The following LRRC19 variants were observed in gnomAD, a reference collection of about 807,000 sequenced individuals.
LRRC19 encodes leucine rich repeat containing 19.
LRRC19 carries 33 observed loss-of-function variants against 33.3 expected under a neutral mutation model. The ratio of observed to expected loss-of-function variants is 0.99; its 90% CI spans 0.75 to 1.33. The LOEUF (loss-of-function observed/expected upper bound fraction) is 1.33. Among genes scored for constraint, LRRC19 ranks in the 40% most tolerant of loss-of-function variants. The probability of loss-of-function intolerance (pLI) is 0.00; values close to 1 mark genes in which losing one functional copy is unlikely to be tolerated. For synonymous variants in LRRC19, 184 were observed against 152.3 expected, an observed-to-expected ratio of 1.21 and a Z score of -1.53; for missense variants, 463 against 417.3, an observed-to-expected ratio of 1.11 and a Z score of -0.95.
chr9:27,004,485 G>T (rs539601116), intron 1 of LRRC19, among the ~76,000 whole-genome samples: 1 of 152,306 alleles, frequency 6.6e-6, no homozygotes, highest in Admixed American at 6.5e-5. Context: ...AAGAGGGGGT[G>T]ATGTCGATTA....
chr9:27,001,247 A>G (rs533965330), intron 1 of LRRC19, among the ~76,000 whole-genome samples: 1 of 152,096 alleles, frequency 6.6e-6, no homozygotes, highest in Admixed American at 6.6e-5. Flanking sequence ...TGCTCTTGTG[A>G]ATAGTCCTCC....
chr9:26,999,733 G>T, intron 1 of LRRC19, 30 bp from the exon 2 acceptor site: 1 of 1,354,544 alleles, frequency 7.4e-7, no homozygotes, highest in South Asian at 1.3e-5. Flanking sequence ...TTTCATTAAG[G>T]ACATTTTTAT....
intron 1 of LRRC19, among the ~76,000 whole-genome samples, chr9:27,003,889 T>G (rs1323335715): frequency 6.6e-6 from 1 of 152,220 alleles, no homozygotes; most frequent in Non-Finnish European, 1.5e-5. Flanking sequence ...TACCTATGTT[T>G]AATGATTTAT....
Position 26,995,581 on chromosome 9 carries a change from A to G in LRRC19, c.1053T>C (p.Asp351=), listed in dbSNP as rs1055421034. Reference sequence around the variant, plus strand: ...ATTTGTCTTCAATAAATCCATCATCATCTACCACAAATGAATGTAATTGTT... The same window carrying G: ...ATTTGTCTTCAATAAATCCATCATCGTCTACCACAAATGAATGTAATTGTT... ...IFEQLHSFVV[D]DDGFIEDKYI... The change falls in exon 5 of 5, where the codon GAT becomes GAC. Residue 351 remains aspartate (D), a synonymous_variant. Transcript: ENST00000380055. 2.5e-6 allele frequency: 4 copies of G among 1,600,708 alleles called. No individual in the cohort carries two copies. The highest frequency in any genetic ancestry group is 3.4e-6 in the Non-Finnish European group (4 of 1,168,190).
rs140907453 is a variant in LRRC19 at position 26,995,678 on chromosome 9, C to T, written c.956G>A (p.Gly319Asp). The change falls in exon 5 of 5, where the codon GGT becomes GAT. Residue 319 changes from glycine to aspartate, a missense_variant. Transcript: ENST00000380055. ...EEHEAETYEDGFTGNPSSLSQ... is the reference protein window; with the variant it reads ...EEHEAETYEDDFTGNPSSLSQ... ...AAGAGAGCTTGGATTTCCAGTAAAA[C>T]CATCTTCATAGGTTTCTGCTTCATG... The T allele has an allele frequency of 2.1e-5, 34 of 1,613,868 alleles. No homozygotes were observed. In the African/African-American group the frequency reaches 3.2e-4, roughly 15 times the overall value.
chr9:26,998,408 A>G (rs1828289061), intron 2 of LRRC19, among the ~76,000 whole-genome samples, 167 bp from the exon 3 acceptor site: 3 of 152,178 alleles, frequency 2.0e-5, no homozygotes, highest in African/African-American at 7.2e-5. Flanking sequence ...CTTTATTGGG[A>G]TGAAATACTA....
Position 26,995,635 on chromosome 9 carries a change from T to C in LRRC19, c.999A>G (p.Thr333=). 1 of 1,613,698 alleles carries C rather than the reference T, an allele frequency of 6.2e-7. No homozygotes were observed. The highest frequency in any genetic ancestry group is 8.5e-7 in the Non-Finnish European group (1 of 1,179,668). Reference sequence around the variant, plus strand: ...ATATTACTGTAGTTTCTTCAGAGTTTGTTTCTGGTATCTGTGAAAGAGAGC... The same window carrying C: ...ATATTACTGTAGTTTCTTCAGAGTTCGTTTCTGGTATCTGTGAAAGAGAGC... The part of the protein sequence containing the change: ...NPSSLSQIPE[T]NSEETTVIFE... The change falls in exon 5 of 5, where the codon ACA becomes ACG. Residue 333 remains threonine (T), a synonymous_variant. Transcript: ENST00000380055.
chr9:27,002,982 T>A lies in LRRC19; in HGVS notation c.-10+2610A>T, dbSNP rs1022998246. Among the ~76,000 whole-genome samples the A allele has an allele frequency of 2.6e-5, 4 of 152,302 alleles. No homozygotes were observed. The East Asian group carries it at 5.8e-4, about 22-fold the overall frequency. ...TTTCTTTCATCAGTGTTTTACAGTT[T>A]TTGTTATATAGATATTTCACTTCAT... On this transcript the variant is annotated intron_variant, in intron 1 of 4. Coordinates refer to ENST00000380055, the MANE Select transcript of LRRC19 (RefSeq NM_022901.3).
chr9:26,999,326 A>T (rs904771720), intron 2 of LRRC19, among the ~76,000 whole-genome samples: 35 of 152,010 alleles, frequency 2.3e-4, no homozygotes, highest in South Asian at 4.2e-4. Context: ...TGTGCTTTTT[A>T]AAAAAAAGTT....
In LRRC19 at chr9:26,998,135, C is replaced by T; in HGVS notation, c.188G>A (p.Gly63Asp). ...TGTCTGTAGAACTCTTGTGTCTGTA[C>T]CATTAAGAGTAATTTGGTTATAACT... Reference protein sequence around the residue: ...DLSYNQITLNGTDTRVLQTYF... With the variant: ...DLSYNQITLNDTDTRVLQTYF... Residue 63 changes from glycine to aspartate, a missense_variant, in exon 3 of 5, where the codon GGT (glycine) becomes GAT (aspartate). By Grantham distance (94) the Gly-to-Asp change is moderately conservative. Transcript: ENST00000380055. The T allele has an allele frequency of 6.2e-7, 1 of 1,610,330 alleles. No homozygotes were observed. Among genetic ancestry groups the T allele is most frequent in the Non-Finnish European group, 8.5e-7 (1 of 1,177,202 alleles).
chr9:27,005,186 G>A (rs149232209), intron 1 of LRRC19, among the ~76,000 whole-genome samples: 19 of 152,044 alleles, frequency 1.2e-4, no homozygotes, highest in African/African-American at 4.6e-4. Flanking sequence ...AAAAACCTAA[G>A]TAAGAAGAAT....
Position 26,997,989 on chromosome 9 carries a change from T to G in LRRC19, c.334A>C (p.Ile112Leu). The G allele has an allele frequency of 6.2e-7, 1 of 1,613,964 alleles. No homozygotes were observed. The highest frequency in any genetic ancestry group is 1.7e-5 in the Admixed American group (1 of 60,004). The change falls in exon 3 of 5, where the codon ATT (isoleucine) becomes CTT (leucine). Residue 112 changes from isoleucine (I) to leucine (L), a missense_variant. Transcript: ENST00000380055. ...LNICRNSIYVIQQGAFLGLNK... is the reference protein window; with the variant it reads ...LNICRNSIYVLQQGAFLGLNK... ...AAGCCTAAAAATGCACCCTGTTGAA[T>G]TACATAGATGGAGTTTCTACAGATA...
intron 1 of LRRC19, among the ~76,000 whole-genome samples, chr9:27,004,405 C>G (rs565438205): frequency 6.6e-6 from 1 of 152,262 alleles, no homozygotes; most frequent in South Asian, 2.1e-4. Context: ...CTGTGAAATA[C>G]ATTGATTGAT....
chr9:26,993,851 A>G lies in LRRC19; in HGVS notation c.*1670T>C, dbSNP rs1020356675. The G allele has an allele frequency of 6.6e-6, 1 of 152,194 alleles. No individual in the cohort carries two copies. Among genetic ancestry groups the G allele is most frequent in the Non-Finnish European group, 1.5e-5 (1 of 68,044 alleles). The allele number at this position is 152,194 out of a possible 1,614,324, so 9.4% of individuals were successfully genotyped here. A position where few individuals can be genotyped will look rare whatever the true frequency, so the allele number is the denominator to read the frequency against. ...TTATAATGAAGAAAATACCAGAAAT[A>G]TTATTTCACCCATCAATATATTTCA... On this transcript the variant is annotated 3_prime_UTR_variant, in exon 5 of 5. Coordinates refer to ENST00000380055, the MANE Select transcript of LRRC19 (RefSeq NM_022901.3).
At chr9:27,002,018 G>T (rs536100399) in intron 1 of LRRC19, among the ~76,000 whole-genome samples, 7 of 152,104 alleles carry the variant, frequency 4.6e-5, no homozygotes, top group Non-Finnish European at 7.4e-5. Context: ...CGTCTGGGGG[G>T]TCCTCAGGAA....
chr9:26,996,736 A>T (rs1322511739), intron 3 of LRRC19, among the ~76,000 whole-genome samples: 1 of 152,134 alleles, frequency 6.6e-6, no homozygotes, highest in Non-Finnish European at 1.5e-5. Flanking sequence ...ATTAGTGTAG[A>T]TTTTATTATT....
intron 4 of LRRC19, 22 bp from the exon 5 acceptor site, chr9:26,995,871 GGA>G (rs779861059): frequency 7.2e-6 from 11 of 1,532,740 alleles, no homozygotes; most frequent in Non-Finnish European, 9.7e-6. Context: ...TACCAAGAGA[GGA>G]GAGAGAAAGA....
In LRRC19 at chr9:26,995,695, T is replaced by C. The variant is rs1828114173; in HGVS notation, c.939A>G (p.Ala313=). The part of the protein sequence containing the change: ...YNHHRLEEHE[A]ETYEDGFTGN... ...CAGTAAAACCATCTTCATAGGTTTCTGCTTCATGCTCTTCCAGGCGATGAT... is the reference window on the plus strand; with the variant it reads ...CAGTAAAACCATCTTCATAGGTTTCCGCTTCATGCTCTTCCAGGCGATGAT... The change falls in exon 5 of 5, where the codon GCA becomes GCG. Residue 313 remains alanine (A), a synonymous_variant. Coordinates refer to ENST00000380055, the MANE Select transcript of LRRC19 (RefSeq NM_022901.3). The C allele has an allele frequency of 1.9e-6, 3 of 1,613,826 alleles. No homozygotes were observed. The highest frequency in any genetic ancestry group is 2.7e-5 in the African/African-American group (2 of 74,918).
Position 26,994,784 on chromosome 9 carries a change from TCTCCCAGAGA to T in LRRC19, c.*727_*736del, listed in dbSNP as rs1828058161. The T allele has an allele frequency of 6.6e-6, 1 of 152,504 alleles. No homozygotes were observed. 9.4% of individuals were successfully genotyped at this position (152,504 alleles called of 1,614,324 possible). The stretch of plus-strand genomic sequence containing the variant: ...CAGCACAGACCAATTTGAATAAAAA[TCTCCCAGAGA>T]GAGGTGGAAATATGTATTTTTAAAA... On this transcript the variant is annotated 3_prime_UTR_variant, in exon 5 of 5. Coordinates refer to ENST00000380055, the MANE Select transcript of LRRC19 (RefSeq NM_022901.3).
Sources: allele counts gnomAD v4.1 joint callset (sites outside exome capture counted in the v4.1 genomes callset), GRCh38; gene constraint gnomAD v4.1.1; transcripts MANE v1.5; gene names NCBI Gene and HGNC (gene_info 2026-07-23, HGNC 2026-07-21).